The following GALNT13 variants were observed in gnomAD, a reference collection of about 807,000 sequenced individuals.
The protein encoded by GALNT13 is UDP-GalNAc:polypeptide N-acetylgalactosaminyltransferase 13.
In GALNT13, 28 loss-of-function variants were observed where a neutral mutation model predicts 64.2. The ratio of observed to expected loss-of-function variants is 0.44; its 90% CI spans 0.32 to 0.60. GALNT13 has a LOEUF of 0.60. Ranked by LOEUF, GALNT13 falls within the 20% of genes least tolerant of loss-of-function variation. The probability of loss-of-function intolerance (pLI) is 0.05; values close to 1 mark genes in which losing one functional copy is unlikely to be tolerated. For synonymous variants in GALNT13, 214 were observed against 224.6 expected (o/e 0.95, Z 0.42); for missense variants, 577 against 669.8 (o/e 0.86, Z 1.53).
intron 9 of GALNT13, among the ~76,000 whole-genome samples, chr2:154,362,422 A>T (rs1697125763): frequency 6.6e-6 from 1 of 151,694 alleles, no homozygotes; most frequent in Non-Finnish European, 1.5e-5. Context: ...CTCTCCTTTC[A>T]TCTTTTCCTC....
the GALNT13 span, among the ~76,000 whole-genome samples, chr2:153,552,248 G>T: frequency 1.1e-4 from 17 of 152,164 alleles, no homozygotes; most frequent in Admixed American, 1.1e-3. Context: ...TAGTGAATGA[G>T]ACAACTCTTC....
chr2:153,913,966 TAAAAATAC>T (rs1689157228), intron 2 of GALNT13, among the ~76,000 whole-genome samples: 2 of 152,298 alleles, frequency 1.3e-5, no homozygotes, highest in South Asian at 4.1e-4. Flanking sequence ...GTTCCTTGTA[TAAAAATAC>T]ATGTTTAAAT....
At chr2:153,845,645 T>C in the GALNT13 span, among the ~76,000 whole-genome samples, 9 of 152,250 alleles carry the variant, frequency 5.9e-5, no homozygotes, top group Admixed American at 1.3e-4. Flanking sequence ...GATAAAACTT[T>C]AGTATTTTAG....
intron 3 of GALNT13, among the ~76,000 whole-genome samples, chr2:154,004,869 C>T (rs1261311681): frequency 6.6e-6 from 1 of 152,166 alleles, no homozygotes; most frequent in African/African-American, 2.4e-5. Context: ...GATAGTGACT[C>T]AGTGATATCA....
At chr2:154,393,353 C>T (rs1048624670) in intron 9 of GALNT13, among the ~76,000 whole-genome samples, 1 of 152,192 alleles carries the variant, frequency 6.6e-6, no homozygotes, top group Non-Finnish European at 1.5e-5. Flanking sequence ...CTCATACTTG[C>T]TTTCCTATCT....
At chr2:153,938,397 ATTG>A (rs1429324654) in intron 2 of GALNT13, among the ~76,000 whole-genome samples, 4 of 152,166 alleles carry the variant, frequency 2.6e-5, no homozygotes, top group East Asian at 1.9e-4. Flanking sequence ...AAGCTGCAAA[ATTG>A]TTGTCTGAAA....
chr2:153,407,262 A>G, the GALNT13 span, among the ~76,000 whole-genome samples: 1 of 152,318 alleles, frequency 6.6e-6, no homozygotes, highest in East Asian at 1.9e-4. Context: ...TAAGAGTTAC[A>G]GATGATTCTG....
chr2:153,935,861 A>G (rs1690873690), intron 2 of GALNT13, among the ~76,000 whole-genome samples: 1 of 152,166 alleles, frequency 6.6e-6, no homozygotes, highest in Non-Finnish European at 1.5e-5. Context: ...TTTCTTCCCC[A>G]GATGTCAGTT....
chr2:153,527,332 A>T, the GALNT13 span, among the ~76,000 whole-genome samples: 1 of 152,202 alleles, frequency 6.6e-6, no homozygotes, highest in Non-Finnish European at 1.5e-5. Context: ...GCTCCAATAC[A>T]TCTATCAGTA....
chr2:154,402,708 A>T (rs537678100), intron 10 of GALNT13, among the ~76,000 whole-genome samples: 258 of 152,208 alleles, frequency 1.7e-3, no homozygotes, highest in African/African-American at 6.0e-3. Context: ...GGTTGCTTTG[A>T]TTTTTCTCAG....
At chr2:153,793,661 A>C in the GALNT13 span, among the ~76,000 whole-genome samples, 3 of 152,080 alleles carry the variant, frequency 2.0e-5, no homozygotes, top group Admixed American at 6.6e-5. Context: ...CTTTAAAAAA[A>C]AAAAAAAACT....
chr2:153,683,688 T>C, the GALNT13 span, among the ~76,000 whole-genome samples: 72,926 of 151,342 alleles, frequency 0.48, 17,992 homozygotes, highest in Admixed American at 0.53. Context: ...CTCAAATTGT[T>C]CTGAGTCCCA....
intron 3 of GALNT13, among the ~76,000 whole-genome samples, chr2:154,058,929 A>C (rs908663121): frequency 6.6e-6 from 1 of 152,182 alleles, no homozygotes; most frequent in African/African-American, 2.4e-5. Flanking sequence ...GGCCAGACAA[A>C]AGCAATAATA....
At chr2:153,577,040 T>C in the GALNT13 span, among the ~76,000 whole-genome samples, 1 of 152,196 alleles carries the variant, frequency 6.6e-6, no homozygotes, top group Non-Finnish European at 1.5e-5. Flanking sequence ...GATATGTGTG[T>C]ATGTGTATGG....
the GALNT13 span, among the ~76,000 whole-genome samples, chr2:153,322,123 G>A: frequency 1.3e-5 from 2 of 151,856 alleles, no homozygotes; most frequent in East Asian, 3.9e-4. Flanking sequence ...ACAAATGGCC[G>A]AGGTACTGGG....
the GALNT13 span, among the ~76,000 whole-genome samples, chr2:153,257,315 G>T: frequency 0.022 from 3,354 of 152,104 alleles, 131 homozygotes; most frequent in African/African-American, 0.076. Context: ...TTCGGCTCGT[G>T]CACGGTGCGC....
chr2:154,178,230 A>G (rs1035421809), intron 4 of GALNT13, among the ~76,000 whole-genome samples: 2 of 152,160 alleles, frequency 1.3e-5, no homozygotes, highest in Non-Finnish European at 2.9e-5. Flanking sequence ...GGTACTCAGA[A>G]TCACCAGGCT....
At chr2:153,877,668 G>A (rs1686477668) in intron 1 of GALNT13, among the ~76,000 whole-genome samples, 1 of 152,022 alleles carries the variant, frequency 6.6e-6, no homozygotes, top group African/African-American at 2.4e-5. Context: ...GTTTCAGATA[G>A]AGAAGGTGAG....
the GALNT13 span, among the ~76,000 whole-genome samples, chr2:153,866,251 T>C: frequency 6.8e-6 from 1 of 147,634 alleles, no homozygotes; most frequent in Non-Finnish European, 1.5e-5. Flanking sequence ...GCACGGCACA[T>C]GTATACATAT....
Sources: allele counts gnomAD v4.1 joint callset (sites outside exome capture counted in the v4.1 genomes callset), GRCh38; gene constraint gnomAD v4.1.1; transcripts MANE v1.5; gene names NCBI Gene and HGNC (gene_info 2026-07-23, HGNC 2026-07-21).